The following CNBD1 variants were observed in gnomAD, a reference collection of about 807,000 sequenced individuals.
CNBD1 encodes the protein cyclic nucleotide binding domain containing 1.
CNBD1 carries 71 observed loss-of-function variants against 54.4 expected under a neutral mutation model. That is an observed-to-expected ratio of 1.30 (90% CI 1.08 to 1.59). CNBD1 has a LOEUF of 1.59. CNBD1 is among the 40% of genes most tolerant of loss of function. The probability of loss-of-function intolerance (pLI) is 0.00; values close to 1 mark genes in which losing one functional copy is unlikely to be tolerated. For missense variants in CNBD1, 659 were observed against 518.0 expected, an observed-to-expected ratio of 1.27 and a Z score of -2.64; for synonymous variants, 182 against 170.7, an observed-to-expected ratio of 1.07 and a Z score of -0.51.
intron 8 of CNBD1, among the ~76,000 whole-genome samples, chr8:87,343,594 G>A (rs1420186378): frequency 6.6e-6 from 1 of 152,094 alleles, no homozygotes; most frequent in African/African-American, 2.4e-5. Context: ...TTTCCTATGT[G>A]TTGTTTAGGC....
At chr8:87,304,938 C>T (rs1287338694) in intron 8 of CNBD1, among the ~76,000 whole-genome samples, 1 of 152,018 alleles carries the variant, frequency 6.6e-6, no homozygotes, top group Admixed American at 6.6e-5. Context: ...AAATAAAGGG[C>T]ATCCAAATTG....
chr8:87,396,551 G>A (rs559318485), intron 2 of CNBD1, among the ~76,000 whole-genome samples: 3 of 151,772 alleles, frequency 2.0e-5, no homozygotes, highest in South Asian at 4.2e-4. Flanking sequence ...TTTTATATTT[G>A]TATTTAAATA....
chr8:87,284,409 T>C (rs1313249156), intron 6 of CNBD1, among the ~76,000 whole-genome samples: 1 of 152,142 alleles, frequency 6.6e-6, no homozygotes, highest in Non-Finnish European at 1.5e-5. Context: ...ATGGCTGCTA[T>C]ATTCCAAGCA....
intron 1 of CNBD1, among the ~76,000 whole-genome samples, chr8:86,877,253 C>T (rs575229762): frequency 2.6e-5 from 4 of 152,030 alleles, no homozygotes; most frequent in Non-Finnish European, 4.4e-5. Context: ...ATTTGTTACT[C>T]ATTATTTATA....
intron 4 of CNBD1, among the ~76,000 whole-genome samples, chr8:87,012,005 A>T (rs1312166397): frequency 6.6e-6 from 1 of 152,222 alleles, no homozygotes; most frequent in Non-Finnish European, 1.5e-5. Context: ...AAAACACAGA[A>T]AATCCTACTA....
intron 6 of CNBD1, among the ~76,000 whole-genome samples, chr8:87,271,734 C>A (rs1808368732): frequency 6.6e-6 from 1 of 151,528 alleles, no homozygotes; most frequent in Admixed American, 6.6e-5. Context: ...CTAACATATG[C>A]TCCCGCAATT....
chr8:87,399,816 T>A (rs1807515753), intron 2 of CNBD1, among the ~76,000 whole-genome samples: 1 of 151,984 alleles, frequency 6.6e-6, no homozygotes, highest in Non-Finnish European at 1.5e-5. Flanking sequence ...GGTGAAAAAG[T>A]ATTTCAATGT....
At chr8:86,979,402 C>CAAAAAAAAAAAAAAAA (rs776634552) in intron 4 of CNBD1, among the ~76,000 whole-genome samples, 3 of 10,396 alleles carry the variant, frequency 2.9e-4, no homozygotes, top group Admixed American at 2.0e-3. Context: ...ATCATCTCTA[C>CAAAAAAAAAAAAAAAA]AAAAAAAAAA....
At chr8:87,218,688 C>T (rs1814264523) in intron 5 of CNBD1, among the ~76,000 whole-genome samples, 1 of 151,812 alleles carries the variant, frequency 6.6e-6, no homozygotes, top group Admixed American at 6.6e-5. Context: ...CCTTTAAAAA[C>T]TATTTGATTT....
intron 4 of CNBD1, among the ~76,000 whole-genome samples, chr8:87,023,654 G>C (rs1442491850): frequency 6.6e-6 from 1 of 152,014 alleles, no homozygotes; most frequent in Admixed American, 6.6e-5. Flanking sequence ...ATTTTAACCA[G>C]CTCTTCCTTG....
At chr8:87,370,911 A>G (rs868425265) in intron 10 of CNBD1, among the ~76,000 whole-genome samples, 21 of 151,102 alleles carry the variant, frequency 1.4e-4, no homozygotes, top group East Asian at 1.4e-3. Context: ...TGTATAAGGT[A>G]TAAGGAAGGG....
At chr8:87,403,346 T>C (rs1273225248) in intron 2 of CNBD1, among the ~76,000 whole-genome samples, 2 of 152,018 alleles carry the variant, frequency 1.3e-5, no homozygotes, top group South Asian at 2.1e-4. Flanking sequence ...TCCTGAAATA[T>C]ATGGCACTTG....
At chr8:87,364,414 C>G (rs1173598952) in intron 10 of CNBD1, among the ~76,000 whole-genome samples, 1 of 151,760 alleles carries the variant, frequency 6.6e-6, no homozygotes, top group Non-Finnish European at 1.5e-5. Context: ...ATAATTTTTT[C>G]TCTATCAAGT....
At chr8:87,418,951 G>A (rs1276221180) in intron 2 of CNBD1, among the ~76,000 whole-genome samples, 9 of 151,816 alleles carry the variant, frequency 5.9e-5, no homozygotes, top group Admixed American at 5.3e-4. Flanking sequence ...CCACTTCTAT[G>A]TATACACTAA....
intron 10 of CNBD1, among the ~76,000 whole-genome samples, chr8:87,381,622 A>G (rs1308295248): frequency 6.6e-6 from 1 of 152,044 alleles, no homozygotes; most frequent in Non-Finnish European, 1.5e-5. Flanking sequence ...TGGGAAATCT[A>G]TTGACAGATA....
At chr8:87,255,993 ATATATATATATATATATATATATTTTTTT>A (rs1386862787) in intron 6 of CNBD1, among the ~76,000 whole-genome samples, 2 of 12,758 alleles carry the variant, frequency 1.6e-4, no homozygotes, top group Admixed American at 1.1e-3. Context: ...ATATATATAT[ATATATATATATATATATATATATTTTTTT>A]TTTTTTTTTT....
intron 10 of CNBD1, among the ~76,000 whole-genome samples, chr8:87,359,276 A>G (rs960170138): frequency 2.0e-5 from 3 of 146,650 alleles, no homozygotes; most frequent in African/African-American, 8.2e-5. Context: ...ACATCAGACT[A>G]TTCCATAGTC....
chr8:87,404,855 T>G (rs1169163807), intron 2 of CNBD1, among the ~76,000 whole-genome samples: 1 of 152,070 alleles, frequency 6.6e-6, no homozygotes, highest in Non-Finnish European at 1.5e-5. Context: ...TGCAAAACTT[T>G]CTGAAATGTG....
intron 6 of CNBD1, among the ~76,000 whole-genome samples, chr8:87,261,270 C>A (rs1808135512): frequency 6.6e-6 from 1 of 152,032 alleles, no homozygotes; most frequent in Non-Finnish European, 1.5e-5. Context: ...ACCCACGATC[C>A]CCAGCTGCTC....
Sources: gnomAD v4.1 joint callset for allele counts (sites outside exome capture counted in the v4.1 genomes callset) on GRCh38, gnomAD v4.1.1 for gene constraint, MANE v1.5 for transcripts, NCBI Gene and HGNC (gene_info 2026-07-23, HGNC 2026-07-21) for gene names.